The following SOX6 variants were observed in gnomAD, a reference collection of about 807,000 sequenced individuals.
SOX6 encodes the protein SRY-box transcription factor 6.
SOX6 carries 11 observed loss-of-function variants against 97.8 expected under a neutral mutation model. The observed-to-expected ratio is 0.11, with a 90% CI of 0.07 to 0.19. The LOEUF is 0.19. Ranked by LOEUF, SOX6 falls within the 10% of genes least tolerant of loss-of-function variation. The pLI is 1.00. For missense variants in SOX6, 810 were observed against 1,039.5 expected (o/e 0.78, Z 3.04); for synonymous variants, 360 against 371.4 (o/e 0.97, Z 0.35).
At chr11:16,123,142 T>C (rs143928174) in intron 6 of SOX6, among the ~76,000 whole-genome samples, 2 of 152,222 alleles carry the variant, frequency 1.3e-5, no homozygotes, top group African/African-American at 2.4e-5. Flanking sequence ...TCATCAATTA[T>C]AATCCTTACT....
rs141638088 is a variant in SOX6 at position 15,989,249 on chromosome 11, A to T, written c.1733-19T>A. ...TTACTTCCTGTAATGTCAGGGCAGG[A>T]AGAACAAGATGAGTGGAAAGCGTTA... On this transcript the variant is annotated intron_variant, in intron 13 of 15. Transcript: ENST00000683767. 2 of 1,577,054 alleles carry T rather than the reference A, an allele frequency of 1.3e-6. No individual in the cohort carries two copies. The highest frequency in any genetic ancestry group is 2.7e-5 in the African/African-American group (2 of 74,146).
chr11:16,003,299 T>G (rs1199523867), intron 13 of SOX6, among the ~76,000 whole-genome samples: 1 of 151,984 alleles, frequency 6.6e-6, no homozygotes, highest in Non-Finnish European at 1.5e-5. Context: ...GATCTGAGTT[T>G]TCTCCTTTCC....
At chr11:16,425,734 T>C (rs1859114855) in intron 1 of SOX6, among the ~76,000 whole-genome samples, 2 of 151,628 alleles carry the variant, frequency 1.3e-5, no homozygotes, top group South Asian at 2.1e-4. Context: ...ACAAAAACAA[T>C]AGAACAGGAA....
At chr11:16,562,486 C>G (rs1052106763) in intron 4 of SOX6, among the ~76,000 whole-genome samples, 1 of 152,166 alleles carries the variant, frequency 6.6e-6, no homozygotes, top group Non-Finnish European at 1.5e-5. Context: ...AACTTTTAGA[C>G]ACTATCTTTT....
chr11:16,193,927 C>T (rs1278774665), intron 4 of SOX6, among the ~76,000 whole-genome samples: 1 of 152,200 alleles, frequency 6.6e-6, no homozygotes, highest in Non-Finnish European at 1.5e-5. Flanking sequence ...GCAGCCTCCT[C>T]ACACATCTGA....
At chr11:16,351,206 C>T (rs538853169) in intron 1 of SOX6, among the ~76,000 whole-genome samples, 2 of 152,134 alleles carry the variant, frequency 1.3e-5, no homozygotes, top group African/African-American at 4.8e-5. Context: ...TACCTCCCCT[C>T]ATTCATCCAC....
At chr11:16,612,262 T>TAA (rs1723162388) in intron 3 of SOX6, 1 of 12,492 alleles carries the variant, frequency 8.0e-5, no homozygotes. Flanking sequence ...CCTTTGTTCC[T>TAA]GAAAAAAAAA....
chr11:16,207,822 G>T (rs1266856579), intron 4 of SOX6, among the ~76,000 whole-genome samples: 1 of 99,682 alleles, frequency 1.0e-5, no homozygotes, highest in East Asian at 4.1e-4. Flanking sequence ...ATAGGAATGT[G>T]TTGCATAAAC....
At chr11:16,561,750 G>A (rs1847817369) in intron 4 of SOX6, among the ~76,000 whole-genome samples, 1 of 151,998 alleles carries the variant, frequency 6.6e-6, no homozygotes, top group Non-Finnish European at 1.5e-5. Context: ...TTCTTTAATA[G>A]ATGGTCTCTC....
At chr11:16,321,023 A>C (rs1855906068) in intron 2 of SOX6, among the ~76,000 whole-genome samples, 1 of 152,078 alleles carries the variant, frequency 6.6e-6, no homozygotes, top group Non-Finnish European at 1.5e-5. Flanking sequence ...GAAGTGATGC[A>C]GAGGAACCCC....
chr11:16,296,553 TTA>T (rs1247620118), intron 3 of SOX6, among the ~76,000 whole-genome samples: 1 of 152,086 alleles, frequency 6.6e-6, no homozygotes, highest in Non-Finnish European at 1.5e-5. Flanking sequence ...GAGCAGCTGT[TTA>T]TGTGTAGCTC....
intron 4 of SOX6, among the ~76,000 whole-genome samples, chr11:16,510,092 A>G (rs1247988532): frequency 1.3e-5 from 2 of 152,066 alleles, no homozygotes; most frequent in Non-Finnish European, 1.5e-5. Flanking sequence ...CTAATGTCAT[A>G]TCAAAACAAA....
At chr11:16,303,560 C>T (rs1407838128) in intron 3 of SOX6, among the ~76,000 whole-genome samples, 1 of 152,102 alleles carries the variant, frequency 6.6e-6, no homozygotes, top group Non-Finnish European at 1.5e-5. Flanking sequence ...AGAATAATTC[C>T]TAACACTTTA....
Position 16,493,570 on chromosome 11 carries a change from T to G in SOX6, n.610-17182A>C, listed in dbSNP as rs181083092. Among the ~76,000 whole-genome samples, 4 of 152,334 alleles carry G rather than the reference T, an allele frequency of 2.6e-5. No homozygotes were observed. In the East Asian group the frequency reaches 7.7e-4, roughly 29 times the overall value. ...TCTACTTCTTAACCTGGGTGGTAGT[T>G]ACACAGATATTCATTTTATGATACA... On this transcript the variant is annotated intron_variant and non_coding_transcript_variant, in intron 4 of 5. Coordinates refer to the SOX6 transcript ENST00000524520.
At chr11:16,003,221 T>C (rs1368864720) in intron 13 of SOX6, among the ~76,000 whole-genome samples, 3 of 151,956 alleles carry the variant, frequency 2.0e-5, no homozygotes, top group Non-Finnish European at 2.9e-5. Context: ...GCTTGGAACA[T>C]TTTTTGTGTC....
chr11:16,322,661 C>T (rs868661239), intron 2 of SOX6, among the ~76,000 whole-genome samples: 1 of 152,152 alleles, frequency 6.6e-6, no homozygotes, highest in Non-Finnish European at 1.5e-5. Flanking sequence ...AATTATCTGG[C>T]AAGTGTGTTA....
At chr11:16,026,470 T>G (rs1855219613) in intron 12 of SOX6, among the ~76,000 whole-genome samples, 1 of 152,170 alleles carries the variant, frequency 6.6e-6, no homozygotes, top group African/African-American at 2.4e-5. Flanking sequence ...GAACACATTT[T>G]CATCTGAATG....
At chr11:16,546,349 T>A (rs1450546254) in intron 4 of SOX6, among the ~76,000 whole-genome samples, 1 of 152,080 alleles carries the variant, frequency 6.6e-6, no homozygotes, top group Admixed American at 6.6e-5. Context: ...GAATTCAAAA[T>A]ATTTAACATA....
At chr11:16,408,983 AG>A in intron 1 of SOX6, 1 of 152,330 alleles carries the variant, frequency 6.6e-6, no homozygotes, top group East Asian at 1.9e-4. Context: ...GCCTTTATAA[AG>A]GACATGTGGT....
Sources: gnomAD v4.1 joint callset for allele counts (sites outside exome capture counted in the v4.1 genomes callset) on GRCh38, gnomAD v4.1.1 for gene constraint, MANE v1.5 for transcripts, NCBI Gene and HGNC (gene_info 2026-07-23, HGNC 2026-07-21) for gene names.